The following ZNF821 variants were observed in gnomAD, a reference collection of about 807,000 sequenced individuals.
The protein encoded by ZNF821 is zinc finger protein 821.
In ZNF821, 16 loss-of-function variants were observed where a neutral mutation model predicts 44.3. The observed-to-expected ratio is 0.36, with a 90% CI of 0.24 to 0.55. The LOEUF is 0.55. Among genes scored for constraint, ZNF821 ranks in the 20% least tolerant of loss-of-function variants. ZNF821 has a pLI of 0.86. For missense variants in ZNF821, 436 were observed against 547.6 expected, an observed-to-expected ratio of 0.80 and a Z score of 2.03; for synonymous variants, 204 against 197.6, an observed-to-expected ratio of 1.03 and a Z score of -0.27.
rs751412008 is a variant in ZNF821, at chr16:71,860,492, T to G, written c.765A>C (p.Val255=). The G allele has an allele frequency of 1.9e-5, 31 of 1,614,064 alleles. No homozygotes were observed. The highest frequency in any genetic ancestry group is 2.2e-5 in the Non-Finnish European group (26 of 1,180,036). Residue 255 remains valine, a synonymous_variant, in exon 8 of 8, where the codon GTA becomes GTC. Coordinates refer to ENST00000425432, the MANE Select transcript of ZNF821 (RefSeq NM_001201552.2). This position sits in a 1 kb window ranked among gnomAD's most constrained non-coding sequence, Gnocchi z 7.3. ...TCTGTCGACGTAGAGCCCACTTGCG[T>G]ACACTGGGAGTCTGGGCTTCCAGCA... ...RKLLEAQTPS[V]RKWALRRQNE...
intron 2 of ZNF821, among the ~76,000 whole-genome samples, chr16:71,882,850 A>T (rs558765121): frequency 1.3e-5 from 2 of 152,194 alleles, no homozygotes; most frequent in Non-Finnish European, 2.9e-5. Flanking sequence ...AATAAAACCC[A>T]GAGACATACA....
intron 1 of ZNF821, among the ~76,000 whole-genome samples, chr16:71,893,750 T>C (rs561910695): frequency 2.3e-4 from 35 of 150,630 alleles, no homozygotes; most frequent in Admixed American, 8.6e-4. Context: ...TAAGCCACCA[T>C]GCCCAGCCAA....
chr16:71,875,862 G>C (rs1328951408), intron 3 of ZNF821, among the ~76,000 whole-genome samples: 46 of 152,220 alleles, frequency 3.0e-4, no homozygotes, highest in Non-Finnish European at 7.3e-5. Flanking sequence ...GCCTCCCAAA[G>C]TGCTGGGATT....
intron 2 of ZNF821, among the ~76,000 whole-genome samples, chr16:71,881,151 G>C (rs1164758529): frequency 6.6e-6 from 1 of 152,144 alleles, no homozygotes; most frequent in Non-Finnish European, 1.5e-5. Flanking sequence ...CATTGAATAA[G>C]CAAACATAAA....
intron 3 of ZNF821, among the ~76,000 whole-genome samples, chr16:71,876,619 G>C (rs2035849416): frequency 6.6e-6 from 1 of 151,830 alleles, no homozygotes; most frequent in South Asian, 2.1e-4. Context: ...TGTTTTTGGA[G>C]ACAGGATCTC....
chr16:71,882,299 T>TA (rs914405833), intron 2 of ZNF821: 2 of 151,124 alleles, frequency 1.3e-5, no homozygotes, highest in Admixed American at 1.3e-4. Flanking sequence ...AATAAAAATT[T>TA]AAAAAAATAA....
chr16:71,876,711 G>A (rs891642123), intron 3 of ZNF821, among the ~76,000 whole-genome samples: 14 of 151,912 alleles, frequency 9.2e-5, no homozygotes, highest in African/African-American at 2.9e-4. Flanking sequence ...GGGTTCAAGC[G>A]ATCCTCCCAC....
At chr16:71,881,689 A>T (rs1035176618) in intron 2 of ZNF821, 4 of 152,268 alleles carry the variant, frequency 2.6e-5, no homozygotes, top group Admixed American at 1.3e-4. Context: ...ATTTTTAAAA[A>T]TATGGCCAGG....
Position 71,859,920 on chromosome 16 carries a change from A to G in ZNF821, c.*98T>C. 7.5e-7 allele frequency: 1 copy of G among 1,340,764 alleles called. No homozygotes were observed. The highest frequency in any genetic ancestry group is 2.5e-5 in the East Asian group (1 of 39,260). 83.1% of individuals were successfully genotyped at this position (1,340,764 alleles called of 1,614,324 possible). Reference sequence around the variant, plus strand: ...CCCAGGCCTGCCTCTGGCAGCAAGGACAGGGCCTCGTGGGTGGCAGCAGCA... The same window carrying G: ...CCCAGGCCTGCCTCTGGCAGCAAGGGCAGGGCCTCGTGGGTGGCAGCAGCA... On this transcript the variant is annotated 3_prime_UTR_variant, in exon 8 of 8. Coordinates refer to ENST00000425432, the MANE Select transcript of ZNF821 (RefSeq NM_001201552.2).
chr16:71,894,317 A>G lies in ZNF821; in HGVS notation n.448+572T>C, dbSNP rs575885732. On this transcript the variant is annotated intron_variant and non_coding_transcript_variant, in intron 1 of 2. Transcript: ENST00000561700. ...CTCTTGTTGCCCAGGCTGGAGGGCA[A>G]TCGCCGGATCTCGGCTCACTGTAAC... 9 of 151,598 alleles carry G rather than the reference A, an allele frequency of 5.9e-5. No individual in the cohort carries two copies. The South Asian group carries it at 1.5e-3, about 24-fold the overall frequency. 9.4% of individuals were successfully genotyped at this position (151,598 alleles called of 1,614,324 possible). A position where few individuals can be genotyped will look rare whatever the true frequency, so the allele number is the denominator to read the frequency against.
intron 2 of ZNF821, among the ~76,000 whole-genome samples, chr16:71,881,010 G>T (rs531669207): frequency 6.6e-6 from 1 of 152,292 alleles, no homozygotes; most frequent in African/African-American, 2.4e-5. Flanking sequence ...TGATAGCTGT[G>T]TCATTTTCTT....
At chr16:71,893,389 T>C (rs902784780) in intron 1 of ZNF821, among the ~76,000 whole-genome samples, 17 of 151,692 alleles carry the variant, frequency 1.1e-4, no homozygotes, top group Non-Finnish European at 1.6e-4. Flanking sequence ...CTCCAACTCC[T>C]GACCTCAGGT....
intron 3 of ZNF821, 116 bp downstream of exon 3, chr16:71,879,791 A>C: frequency 1.0e-6 from 1 of 1,004,764 alleles, no homozygotes; most frequent in South Asian, 1.7e-5. Context: ...ACTGTGTTTT[A>C]CATTTAAACT....
Position 71,861,816 on chromosome 16 carries a change from C to T in ZNF821, c.544G>A (p.Val182Met), listed in dbSNP as rs769089880. 6.2e-7 allele frequency: 1 copy of T among 1,614,070 alleles called. No homozygotes were observed. Among genetic ancestry groups the T allele is most frequent in the East Asian group, 2.2e-5 (1 of 44,898 alleles). The change falls in exon 7 of 8, where the codon GTG (valine) becomes ATG (methionine). Residue 182 changes from valine (V) to methionine (M), a missense_variant. By Grantham distance (21) the Val-to-Met change is conservative. Around this residue, in one of 5 missense-constraint regions of ZNF821, gnomAD observed 238 missense variants for 281.4 expected, o/e 0.85. Transcript: ENST00000425432. ...HSEDQRSNCA[V>M]CGARFTSHAT... is the part of the protein sequence containing the mutation. ...TGGCTGGTGAACCGGGCTCCACACA[C>T]AGCACAGTTAGATCGCTGGTCCTCC...
At position 71,861,957 on chromosome 16, in the gene ZNF821, C is replaced by T; in HGVS notation, c.418-15G>A. The T allele has an allele frequency of 6.2e-7, 1 of 1,612,516 alleles. No homozygotes were observed. Among genetic ancestry groups the T allele is most frequent in the South Asian group, 1.1e-5 (1 of 91,062 alleles). ...GCTGCAGTGTGCTGTAAAACAGAGC[C>T]TTGATCTGTCAGTCTTGCGCTACCT... is the stretch of plus-strand genomic sequence containing the variant. On this transcript the variant is annotated splice_polypyrimidine_tract_variant and intron_variant, in intron 6 of 7. Transcript: ENST00000425432.
At chr16:71,874,572 GC>G (rs1482918153) in intron 3 of ZNF821, among the ~76,000 whole-genome samples, 1 of 152,010 alleles carries the variant, frequency 6.6e-6, no homozygotes, top group South Asian at 2.1e-4. Context: ...TCCTGCCTCA[GC>G]CCCCCAAGTA....
chr16:71,894,889 C>A (rs1216531534), exon 1 of ZNF821: 3 of 1,433,382 alleles, frequency 2.1e-6, no homozygotes, highest in Non-Finnish European at 2.8e-6. Flanking sequence ...CTCTGAATAC[C>A]GAGATAAATT....
chr16:71,885,209 C>T (rs2036804005), upstream of ZNF821: 2 of 152,578 alleles, frequency 1.3e-5, no homozygotes, highest in African/African-American at 4.8e-5. Flanking sequence ...CCTTCTCTCT[C>T]CTAGTTCCTG....
chr16:71,882,299 T>A (rs578171151), intron 2 of ZNF821: 2 of 151,124 alleles, frequency 1.3e-5, no homozygotes, highest in African/African-American at 4.9e-5. Flanking sequence ...AATAAAAATT[T>A]AAAAAAATAA....
Sources: allele counts gnomAD v4.1 joint callset (sites outside exome capture counted in the v4.1 genomes callset), GRCh38; gene constraint gnomAD v4.1.1; regional missense constraint gnomAD v4.1.1; non-coding constraint Gnocchi (gnomAD v3.1); transcripts MANE v1.5; gene names NCBI Gene and HGNC (gene_info 2026-07-23, HGNC 2026-07-21).